CSMD1: variants seen among roughly 807,000 people sequenced by gnomAD.
The protein encoded by CSMD1 is CUB and sushi domain-containing protein 1.
In CSMD1, 213 loss-of-function variants were observed where a neutral mutation model predicts 417.5. The ratio of observed to expected loss-of-function variants is 0.51; its 90% CI spans 0.46 to 0.57. The LOEUF (loss-of-function observed/expected upper bound fraction) is 0.57, where lower values mean the gene tolerates loss of function less well. CSMD1 is among the 20% of genes least tolerant of loss of function. CSMD1 has a pLI of 0.00. For synonymous variants in CSMD1, 2,862 were observed against 1,736.8 expected, an observed-to-expected ratio of 1.65 and a Z score of -16.11; for missense variants, 6,923 against 4,529.7, an observed-to-expected ratio of 1.53 and a Z score of -15.17.
intron 5 of CSMD1, among the ~76,000 whole-genome samples, chr8:3,805,593 T>G (rs1800686456): frequency 6.6e-6 from 1 of 152,168 alleles, no homozygotes; most frequent in Non-Finnish European, 1.5e-5. Flanking sequence ...CTGAATCAGT[T>G]TTCCAGCTAA....
At position 4,146,244 on chromosome 8, in the gene CSMD1, G is replaced by C. The variant is rs115068544; in HGVS notation, c.416-114145C>G. ...ATGAACTTGGAGAAAACCTCTCCCA[G>C]GACCCTCATCCACTCGAGGCAGTAA... On this transcript the variant is annotated intron_variant, in intron 3 of 69. Transcript: ENST00000635120. 7.3e-3 allele frequency among the ~76,000 whole-genome samples: 1,102 copies of C among 151,112 alleles called. 84 individuals carry two copies. Among genetic ancestry groups the C allele is most frequent in the African/African-American group, 0.026 (1,057 of 40,460 alleles).
intron 26 of CSMD1, among the ~76,000 whole-genome samples, chr8:3,270,806 G>C (rs570304285): frequency 4.6e-5 from 7 of 152,266 alleles, no homozygotes; most frequent in African/African-American, 1.7e-4. Context: ...CCAAGACTGG[G>C]TAATTTATAA....
chr8:4,005,699 T>A (rs192985023), intron 4 of CSMD1, among the ~76,000 whole-genome samples: 2 of 152,342 alleles, frequency 1.3e-5, no homozygotes, highest in African/African-American at 4.8e-5. Flanking sequence ...AGAAGAACTT[T>A]CAAGACTCCC....
At chr8:3,219,929 C>T (rs936084093) in intron 28 of CSMD1, among the ~76,000 whole-genome samples, 2 of 151,980 alleles carry the variant, frequency 1.3e-5, no homozygotes, top group Non-Finnish European at 2.9e-5. Flanking sequence ...TTTATTTTTA[C>T]TTAAAAAATG....
chr8:4,560,101 C>T (rs1392864373), intron 2 of CSMD1, among the ~76,000 whole-genome samples: 1 of 152,240 alleles, frequency 6.6e-6, no homozygotes, highest in Non-Finnish European at 1.5e-5. Flanking sequence ...GGGCCACCTC[C>T]ACGTGGTGAC....
At chr8:4,304,645 C>T (rs1798148989) in intron 3 of CSMD1, among the ~76,000 whole-genome samples, 1 of 152,146 alleles carries the variant, frequency 6.6e-6, no homozygotes, top group Non-Finnish European at 1.5e-5. Flanking sequence ...CACTGCTACT[C>T]ATACCCAAAT....
At chr8:3,822,906 C>T (rs979339846) in intron 5 of CSMD1, among the ~76,000 whole-genome samples, 10 of 152,026 alleles carry the variant, frequency 6.6e-5, no homozygotes, top group Admixed American at 5.9e-4. Flanking sequence ...ACTCACTGTG[C>T]AGAGCTAAGT....
intron 54 of CSMD1, 27 bp downstream of exon 54, chr8:2,997,984 G>GTT: frequency 6.2e-7 from 1 of 1,604,762 alleles, no homozygotes. Context: ...TCAGAGCAAA[G>GTT]GGCTCATTCC....
In CSMD1 at chr8:2,997,386, T is replaced by C. The variant is rs570079520; in HGVS notation, c.8377+625A>G. Among the ~76,000 whole-genome samples, 8 of 152,336 alleles carry C rather than the reference T, an allele frequency of 5.3e-5. No individual in the cohort carries two copies. In the South Asian group the frequency reaches 1.7e-3, roughly 32 times the overall value. On this transcript the variant is annotated intron_variant, in intron 54 of 69. Coordinates refer to ENST00000635120, the MANE Select transcript of CSMD1 (RefSeq NM_033225.6). ...AGCCCTAGGATAAGAGAGGTTCTTG[T>C]CAGAGAAAGAGACATTGATAAGTTC...
At chr8:4,065,384 TAC>T (rs554476913) in intron 3 of CSMD1, among the ~76,000 whole-genome samples, 168 of 152,358 alleles carry the variant, frequency 1.1e-3, no homozygotes, top group African/African-American at 3.8e-3. Flanking sequence ...TTTATGGTCC[TAC>T]AGTCTTAAAA....
chr8:3,757,171 T>C (rs1797706211), intron 5 of CSMD1, among the ~76,000 whole-genome samples: 1 of 152,154 alleles, frequency 6.6e-6, no homozygotes, highest in African/African-American at 2.4e-5. Flanking sequence ...TACCACCACC[T>C]ACACCCACAT....
chr8:3,626,022 G>T (rs543770354), intron 7 of CSMD1, among the ~76,000 whole-genome samples: 4 of 152,136 alleles, frequency 2.6e-5, no homozygotes, highest in African/African-American at 9.7e-5. Flanking sequence ...TATAAAGTCA[G>T]TGTAAATGAC....
At chr8:4,723,879 C>A (rs1325556396) in intron 1 of CSMD1, among the ~76,000 whole-genome samples, 2 of 150,904 alleles carry the variant, frequency 1.3e-5, no homozygotes, top group African/African-American at 2.4e-5. Flanking sequence ...CCAAAACTAA[C>A]TGTCATAGGG....
chr8:4,868,159 G>T (rs1393736385), intron 1 of CSMD1, among the ~76,000 whole-genome samples: 11 of 152,074 alleles, frequency 7.2e-5, no homozygotes, highest in East Asian at 1.9e-4. Context: ...GTTGATGGGA[G>T]AATTAAATAA....
intron 3 of CSMD1, among the ~76,000 whole-genome samples, chr8:4,413,218 G>A (rs1047204972): frequency 1.3e-5 from 2 of 152,316 alleles, no homozygotes; most frequent in East Asian, 1.9e-4. Context: ...TCAGTTGACT[G>A]CAACCATCAG....
chr8:4,315,514 T>C (rs920435143), intron 3 of CSMD1, among the ~76,000 whole-genome samples: 1 of 152,118 alleles, frequency 6.6e-6, no homozygotes, highest in Non-Finnish European at 1.5e-5. Flanking sequence ...ACCAATAAAG[T>C]AGAAAATTAG....
chr8:4,666,629 T>C (rs1467990088), intron 1 of CSMD1, among the ~76,000 whole-genome samples: 1 of 152,230 alleles, frequency 6.6e-6, no homozygotes, highest in Non-Finnish European at 1.5e-5. Context: ...TAACTTATTA[T>C]ATAAGCAACA....
At chr8:4,300,087 T>G (rs1797898120) in intron 3 of CSMD1, among the ~76,000 whole-genome samples, 1 of 152,210 alleles carries the variant, frequency 6.6e-6, no homozygotes, top group Admixed American at 6.5e-5. Context: ...GATTTAGGAT[T>G]TGATTTGCCC....
intron 10 of CSMD1, among the ~76,000 whole-genome samples, chr8:3,574,094 C>T (rs987657731): frequency 1.3e-5 from 2 of 152,106 alleles, no homozygotes; most frequent in Non-Finnish European, 2.9e-5. Context: ...CAGTATTACC[C>T]TCTATTACTA....
Sources: allele counts gnomAD v4.1 joint callset (sites outside exome capture counted in the v4.1 genomes callset), GRCh38; gene constraint gnomAD v4.1.1; transcripts MANE v1.5; gene names NCBI Gene and HGNC (gene_info 2026-07-23, HGNC 2026-07-21).